Variants in CELSR1 observed in about 807,000 individuals in gnomAD.
The protein encoded by CELSR1 is cadherin EGF LAG seven-pass G-type receptor 1.
In CELSR1, 110 loss-of-function variants were observed where a neutral mutation model predicts 249.1. The observed-to-expected ratio is 0.44, with a 90% CI of 0.38 to 0.52. The LOEUF (loss-of-function observed/expected upper bound fraction) is 0.52, where lower values mean the gene tolerates loss of function less well. CELSR1 is among the 20% of genes least tolerant of loss of function. CELSR1 has a pLI of 0.00. For synonymous variants in CELSR1, 2,113 were observed against 1,900.0 expected (o/e 1.11, Z -2.92); for missense variants, 4,109 against 4,296.4 (o/e 0.96, Z 1.22).
Position 46,448,500 on chromosome 22 carries a change from G to A in CELSR1, c.4184-9089C>T, listed in dbSNP as rs1019077902. The A allele has an allele frequency of 6.3e-5, 26 of 415,962 alleles. No individual in the cohort carries two copies. Among genetic ancestry groups the A allele is most frequent in the South Asian group, 3.3e-4 (18 of 55,096 alleles). 25.8% of individuals were successfully genotyped at this position (415,962 alleles called of 1,614,324 possible). The stretch of plus-strand genomic sequence containing the variant: ...GAACGTGCCCCAGGAGGGGAAGGGC[G>A]TGTAAAGATTGACCACTTAAGTTCT... On this transcript the variant is annotated intron_variant, in intron 2 of 34. Transcript: ENST00000674500. This position sits in a 1 kb window ranked among gnomAD's most constrained non-coding sequence, Gnocchi z 5.7.
intron 19 of CELSR1, among the ~76,000 whole-genome samples, chr22:46,385,316 C>T (rs149405894): frequency 6.6e-6 from 1 of 152,106 alleles, no homozygotes; most frequent in Non-Finnish European, 1.5e-5. Flanking sequence ...TGGCTGGTTT[C>T]GAACTCCTGG....
intron 5 of CELSR1, among the ~76,000 whole-genome samples, chr22:46,420,890 G>A (rs532424250): frequency 2.4e-4 from 37 of 152,280 alleles, no homozygotes; most frequent in African/African-American, 8.7e-4. Flanking sequence ...GACAGAGCAT[G>A]GAAGCGCCTG....
chr22:46,479,453 CTT>C lies in CELSR1; in HGVS notation c.3545-15110_3545-15109del, dbSNP rs2080244226. Among the ~76,000 whole-genome samples the C allele has an allele frequency of 2.0e-5, 3 of 152,128 alleles. 1 individual carries two copies. The highest frequency in any genetic ancestry group is 2.0e-4 in the Admixed American group (3 of 15,274). ...GGTGAGCCTCAAGCAGATGCCTCGT[CTT>C]TGGGAAAAAGCTACCCACGGTGGCT... On this transcript the variant is annotated intron_variant, in intron 1 of 34. Transcript: ENST00000674500.
Position 46,364,558 on chromosome 22 carries a change from C to A in CELSR1, c.8733G>T (p.Gly2911=). 6.2e-7 allele frequency: 1 copy of A among 1,612,296 alleles called. No homozygotes were observed. Among genetic ancestry groups the A allele is most frequent in the Non-Finnish European group, 8.5e-7 (1 of 1,179,842 alleles). ...RGEYPPDQES[G]GAARLASSQP... Reference sequence around the variant, plus strand: ...GGCTGCTAGCAAGCCTGGCTGCGCCCCCGCTCTCCTGGTCCGGGGGGTACT... The same window carrying A: ...GGCTGCTAGCAAGCCTGGCTGCGCCACCGCTCTCCTGGTCCGGGGGGTACT... The change falls in exon 33 of 35, where the codon GGG becomes GGT. Residue 2911 remains glycine, a synonymous_variant. Coordinates refer to ENST00000674500, the MANE Select transcript of CELSR1 (RefSeq NM_001378328.1).
rs186456845 is a variant in CELSR1 at position 46,436,723 on chromosome 22, A to C, written c.4407-434T>G. 1.6e-3 allele frequency among the ~76,000 whole-genome samples: 238 copies of C among 151,980 alleles called. 2 individuals carry two copies. Among genetic ancestry groups the C allele is most frequent in the African/African-American group, 5.3e-3 (221 of 41,408 alleles). On this transcript the variant is annotated intron_variant, in intron 3 of 34. Transcript: ENST00000674500. The surrounding 1 kb of genome is among the most constrained non-coding windows in gnomAD (Gnocchi z 5.9). ...ATGATGCTATGGAAGGACCATTCTT[A>C]TGGCCTCTCCCCCCGGCACTCAGCC...
rs138906326 is a variant in CELSR1 at position 46,411,344 on chromosome 22, C to A, written c.4769+258G>T. On this transcript the variant is annotated intron_variant, in intron 6 of 34. Transcript: ENST00000674500. This position sits in a 1 kb window ranked among gnomAD's most constrained non-coding sequence, Gnocchi z 4.2. The stretch of plus-strand genomic sequence containing the variant: ...GATCCGTGGAGATGGGGCTGGAGAC[C>A]GTCTCGGGGTCTGCAAGCTGGCCAT... Among the ~76,000 whole-genome samples the A allele has an allele frequency of 1.7e-4, 26 of 152,318 alleles. No individual in the cohort carries two copies. In the East Asian group the frequency reaches 2.7e-3, roughly 16 times the overall value.
Position 46,434,548 on chromosome 22 carries a change from CCTTT to C in CELSR1, c.4523-1071_4523-1068del, listed in dbSNP as rs1686357825. ...GGTTGGCTGCTGTTACAGGTGCCTC[CCTTT>C]CTTTATTGAGTATAGAAAACAAAGC... is the stretch of plus-strand genomic sequence containing the variant. On this transcript the variant is annotated intron_variant, in intron 4 of 34. Coordinates refer to ENST00000674500, the MANE Select transcript of CELSR1 (RefSeq NM_001378328.1). The surrounding 1 kb of genome is among the most constrained non-coding windows in gnomAD (Gnocchi z 4.9). Among the ~76,000 whole-genome samples, 1 of 151,702 alleles carries C rather than the reference CCTTT, an allele frequency of 6.6e-6. No homozygotes were observed. Among genetic ancestry groups the C allele is most frequent in the Non-Finnish European group, 1.5e-5 (1 of 68,042 alleles).
rs751676710 is a variant in CELSR1, at chr22:46,367,124, G to C, written c.8080-6C>G. 5 of 1,609,800 alleles carry C rather than the reference G, an allele frequency of 3.1e-6. No homozygotes were observed. The Admixed American group carries it at 8.4e-5, about 27-fold the overall frequency. On this transcript the variant is annotated splice_polypyrimidine_tract_variant and splice_region_variant and intron_variant, in intron 28 of 34. Transcript: ENST00000674500. ...AAAAGGAGGACGAAGGGGCCCTGGA[G>C]GGAGGAAGGTGGGGTCAGCACCTGC... is the stretch of plus-strand genomic sequence containing the variant.
In CELSR1 at chr22:46,410,330, C is replaced by G. The variant is rs919601118; in HGVS notation, c.4933+68G>C. On this transcript the variant is annotated intron_variant, in intron 7 of 34. Transcript: ENST00000674500. The surrounding 1 kb of genome is among the most constrained non-coding windows in gnomAD (Gnocchi z 6.8). ...CCCAGGGATCTGCAAGCAGTGACCT[C>G]TGTGTGGCTGCCGACGTCCAGCCAG... is the stretch of plus-strand genomic sequence containing the variant. 53 of 1,576,104 alleles carry G rather than the reference C, an allele frequency of 3.4e-5. No individual in the cohort carries two copies. The highest frequency in any genetic ancestry group is 2.0e-4 in the African/African-American group (15 of 74,372).
chr22:46,391,932 G>T lies in CELSR1; in HGVS notation c.5965-116C>A. 3 of 1,110,496 alleles carry T rather than the reference G, an allele frequency of 2.7e-6. No individual in the cohort carries two copies. Among genetic ancestry groups the T allele is most frequent in the Non-Finnish European group, 3.8e-6 (3 of 790,768 alleles). 68.8% of individuals were successfully genotyped at this position (1,110,496 alleles called of 1,614,324 possible). On this transcript the variant is annotated intron_variant, in intron 14 of 34. Transcript: ENST00000674500. This position sits in a 1 kb window ranked among gnomAD's most constrained non-coding sequence, Gnocchi z 4.3. ...ACCCGGGTGTGTGTGTTGGCCGCCA[G>T]CCATCCCACCCCTCATGGCTACCCT...
At chr22:46,421,668 A>G (rs6008819) in intron 5 of CELSR1, among the ~76,000 whole-genome samples, 54,608 of 152,220 alleles carry the variant, frequency 0.36, 12,695 homozygotes, top group African/African-American at 0.66. Context: ...AGACCCCTCT[A>G]TCGGCTTCTA....
intron 1 of CELSR1, among the ~76,000 whole-genome samples, chr22:46,480,128 C>T (rs1398222978): frequency 2.6e-5 from 4 of 152,212 alleles, no homozygotes; most frequent in Non-Finnish European, 5.9e-5. Flanking sequence ...TCAAAATCCC[C>T]TTCTCTTCAC....
chr22:46,523,879 A>G lies in CELSR1; in HGVS notation c.3544+9748T>C, dbSNP rs117568104. ...CATAAGAGACCCCACAAGGACCCAGAGAAGGCTCCAAGGAGCCCCTTCTCC... is the reference window on the plus strand; with the variant it reads ...CATAAGAGACCCCACAAGGACCCAGGGAAGGCTCCAAGGAGCCCCTTCTCC... On this transcript the variant is annotated intron_variant, in intron 1 of 34. Transcript: ENST00000674500. 5.2e-3 allele frequency among the ~76,000 whole-genome samples: 791 copies of G among 152,300 alleles called. 2 individuals carry two copies. The highest frequency in any genetic ancestry group is 7.0e-3 in the Non-Finnish European group (477 of 68,020).
intron 18 of CELSR1, among the ~76,000 whole-genome samples, chr22:46,388,079 T>G (rs111988470): frequency 0.019 from 2,898 of 152,282 alleles, 92 homozygotes; most frequent in African/African-American, 0.066. Context: ...CTGAGCACGG[T>G]TGCTCATGCC....
chr22:46,445,202 TA>T lies in CELSR1; in HGVS notation c.4184-5792del, dbSNP rs913464382. Among the ~76,000 whole-genome samples the T allele has an allele frequency of 8.3e-5, 12 of 144,970 alleles. No homozygotes were observed. The highest frequency in any genetic ancestry group is 1.4e-4 in the Non-Finnish European group (9 of 66,544). On this transcript the variant is annotated intron_variant, in intron 2 of 34. Coordinates refer to ENST00000674500, the MANE Select transcript of CELSR1 (RefSeq NM_001378328.1). The surrounding 1 kb of genome is among the most constrained non-coding windows in gnomAD (Gnocchi z 4.4). Reference sequence around the variant, plus strand: ...CAAGAGCGAAACTCCACCTCAAAAATAAAAAATAAGGCTGGGTGTAGTGGCT... The same window carrying T: ...CAAGAGCGAAACTCCACCTCAAAAATAAAAATAAGGCTGGGTGTAGTGGCT...
chr22:46,475,241 T>C (rs1169037056), intron 1 of CELSR1, among the ~76,000 whole-genome samples: 1 of 152,084 alleles, frequency 6.6e-6, no homozygotes, highest in Admixed American at 6.5e-5. Flanking sequence ...CACATTATTA[T>C]TACTGAAAAA....
chr22:46,506,890 T>C lies in CELSR1; in HGVS notation c.3544+26737A>G, dbSNP rs3788721. 0.51 allele frequency among the ~76,000 whole-genome samples: 77,063 copies of C among 152,012 alleles called. 20,237 individuals carry two copies. The highest frequency in any genetic ancestry group is 0.85 in the East Asian group (4,387 of 5,158). On this transcript the variant is annotated intron_variant, in intron 1 of 34. Transcript: ENST00000674500. This position sits in a 1 kb window ranked among gnomAD's most constrained non-coding sequence, Gnocchi z 4.1. The stretch of plus-strand genomic sequence containing the variant: ...GCCTGCACACACAGGAAGTCCTTTT[T>C]TCCAACACATAAAAACCGATTCCAG...
Position 46,534,415 on chromosome 22 carries a change from C to T in CELSR1, c.2756G>A (p.Arg919Gln), listed in dbSNP as rs759307256. 8 of 1,612,804 alleles carry T rather than the reference C, an allele frequency of 5.0e-6. No individual in the cohort carries two copies. In the Admixed American group the frequency reaches 6.7e-5, roughly 13 times the overall value. Residue 919 changes from arginine (R) to glutamine (Q), a missense_variant, in exon 1 of 35, where the codon CGG (arginine) becomes CAG (glutamine). Arg to Gln is a conservative substitution (Grantham distance 43). Transcript: ENST00000674500. This position sits in a 1 kb window ranked among gnomAD's most constrained non-coding sequence, Gnocchi z 9.7. ...CAGACGCCCATTGGGACCTGAGTCC[C>T]GGTCCGTGGCAGAGACCTGGAGGAT... is the stretch of plus-strand genomic sequence containing the variant. ...TSILQVSATD[R>Q]DSGPNGRLLY... is the part of the protein sequence containing the mutation.
chr22:46,423,301 T>C lies in CELSR1; in HGVS notation c.4611+10092A>G, dbSNP rs1442452399. Reference sequence around the variant, plus strand: ...CAAACCACTGCATCACCAGGAATAATAAATATCTGATCAAGACTCCATGCT... The same window carrying C: ...CAAACCACTGCATCACCAGGAATAACAAATATCTGATCAAGACTCCATGCT... On this transcript the variant is annotated intron_variant, in intron 5 of 34. Transcript: ENST00000674500. The surrounding 1 kb of genome is among the most constrained non-coding windows in gnomAD (Gnocchi z 5.6). 1.3e-5 allele frequency among the ~76,000 whole-genome samples: 2 copies of C among 152,078 alleles called. No individual in the cohort carries two copies. Among genetic ancestry groups the C allele is most frequent in the Non-Finnish European group, 2.9e-5 (2 of 68,008 alleles).
Sources: gnomAD v4.1 joint callset for allele counts (sites outside exome capture counted in the v4.1 genomes callset) on GRCh38, gnomAD v4.1.1 for gene constraint, Gnocchi (gnomAD v3.1) non-coding constraint, MANE v1.5 for transcripts, NCBI Gene and HGNC (gene_info 2026-07-23, HGNC 2026-07-21) for gene names.